Variants in DAB1 observed in about 807,000 individuals in gnomAD.
The protein encoded by DAB1 is disabled homolog 1.
Under a neutral mutation model 64.6 loss-of-function variants are expected in DAB1, and 15 were observed. The observed-to-expected ratio is 0.23, with a 90% confidence interval of 0.16 to 0.36. The LOEUF (loss-of-function observed/expected upper bound fraction) is 0.36. DAB1 is among the 10% of genes least tolerant of loss of function. The pLI is 1.00. For missense variants in DAB1, 596 were observed against 706.7 expected (o/e 0.84, Z 1.78); for synonymous variants, 235 against 251.9 (o/e 0.93, Z 0.64).
chr1:58,082,063 G>A (rs1650029303), intron 5 of DAB1, among the ~76,000 whole-genome samples: 1 of 152,186 alleles, frequency 6.6e-6, no homozygotes, highest in Non-Finnish European at 1.5e-5. Flanking sequence ...GAGAAAGTAA[G>A]AGAAGCCCAG....
intron 5 of DAB1, among the ~76,000 whole-genome samples, chr1:58,069,336 C>G (rs1264475242): frequency 6.6e-6 from 1 of 152,156 alleles, no homozygotes. Flanking sequence ...TCCAAGGCTT[C>G]CAACCGAGGC....
intron 3 of DAB1, among the ~76,000 whole-genome samples, chr1:58,455,169 G>C (rs1645181296): frequency 6.6e-6 from 1 of 152,244 alleles, no homozygotes; most frequent in African/African-American, 2.4e-5. Flanking sequence ...CAGGAGTGTG[G>C]GAGGGGGAAG....
intron 1 of DAB1, chr1:58,538,811 C>T: frequency 1.2e-6 from 1 of 813,446 alleles, no homozygotes; most frequent in African/African-American, 1.7e-5. Context: ...ACAATGATTG[C>T]AAATAACTTC....
intron 7 of DAB1, among the ~76,000 whole-genome samples, chr1:57,440,741 A>G (rs1413768852): frequency 6.6e-6 from 1 of 152,244 alleles, no homozygotes; most frequent in Admixed American, 6.5e-5. Context: ...CCACAGGGTA[A>G]TCAGAAGTCC....
At chr1:57,531,730 G>A (rs1180510872) in intron 7 of DAB1, among the ~76,000 whole-genome samples, 4 of 152,136 alleles carry the variant, frequency 2.6e-5, no homozygotes, top group Admixed American at 2.0e-4. Flanking sequence ...ATGGTGTGCT[G>A]GTAAAATTTA....
intron 4 of DAB1, among the ~76,000 whole-genome samples, chr1:58,317,978 T>TGCCTG (rs1379746205): frequency 2.6e-5 from 4 of 152,296 alleles, no homozygotes; most frequent in African/African-American, 9.6e-5. Context: ...AGCAGCACAA[T>TGCCTG]GCCTGGCAGA....
At chr1:57,048,571 C>A (rs113134957) in intron 9 of DAB1, among the ~76,000 whole-genome samples, 1 of 152,196 alleles carries the variant, frequency 6.6e-6, no homozygotes, top group African/African-American at 2.4e-5. Context: ...CTCCTACCCA[C>A]GTAATAACGA....
intron 1 of DAB1, among the ~76,000 whole-genome samples, chr1:57,829,080 AC>A (rs1157585802): frequency 1.3e-5 from 2 of 151,976 alleles, no homozygotes; most frequent in African/African-American, 2.4e-5. Flanking sequence ...ATTTTTCCCA[AC>A]CCCCACCCCT....
chr1:58,054,305 C>T (rs1647912165), intron 5 of DAB1, among the ~76,000 whole-genome samples: 1 of 152,196 alleles, frequency 6.6e-6, no homozygotes, highest in South Asian at 2.1e-4. Flanking sequence ...TAAAGACTAC[C>T]AGTGCAAAGA....
chr1:58,336,058 TG>T (rs1663110313), intron 4 of DAB1, among the ~76,000 whole-genome samples: 1 of 152,208 alleles, frequency 6.6e-6, no homozygotes. Flanking sequence ...CCAAGAGGAA[TG>T]TGGACCAAGA....
intron 5 of DAB1, among the ~76,000 whole-genome samples, chr1:58,137,357 G>T (rs2100707640): frequency 6.6e-6 from 1 of 152,246 alleles, no homozygotes; most frequent in South Asian, 2.1e-4. Context: ...TTAGTCTACT[G>T]CACATCCCAT....
At chr1:58,376,393 G>A (rs1238840487) in intron 3 of DAB1, among the ~76,000 whole-genome samples, 7 of 134,120 alleles carry the variant, frequency 5.2e-5, no homozygotes, top group Non-Finnish European at 9.8e-5. Flanking sequence ...TGTTCTCATT[G>A]GTTTCAAAGA....
At chr1:57,576,718 A>C (rs1036966299) in intron 7 of DAB1, among the ~76,000 whole-genome samples, 5 of 152,206 alleles carry the variant, frequency 3.3e-5, no homozygotes, top group Admixed American at 6.5e-5. Flanking sequence ...AAACTAATAC[A>C]GGTGGTGATA....
At chr1:57,756,540 G>T (rs756647237) in intron 6 of DAB1, among the ~76,000 whole-genome samples, 3 of 152,012 alleles carry the variant, frequency 2.0e-5, no homozygotes, top group African/African-American at 7.2e-5. Flanking sequence ...GTTATTGGGG[G>T]GTTTTAATCG....
At chr1:57,636,179 A>T (rs11207081) in intron 7 of DAB1, among the ~76,000 whole-genome samples, 9 of 150,588 alleles carry the variant, frequency 6.0e-5, no homozygotes, top group African/African-American at 2.0e-4. Flanking sequence ...CCCATTCTCT[A>T]CCCGAGTGTG....
chr1:58,202,559 C>A (rs1465844326), intron 4 of DAB1, among the ~76,000 whole-genome samples: 4 of 152,108 alleles, frequency 2.6e-5, no homozygotes, highest in East Asian at 1.9e-4. Context: ...GGCTTCCCCA[C>A]CTAAAAAATA....
chr1:57,278,311 T>A (rs1025196730), intron 2 of DAB1, among the ~76,000 whole-genome samples: 1 of 152,240 alleles, frequency 6.6e-6, no homozygotes, highest in Non-Finnish European at 1.5e-5. Flanking sequence ...AAAGTTATTG[T>A]ATTCCCTCCC....
intron 5 of DAB1, among the ~76,000 whole-genome samples, chr1:57,891,392 G>A (rs766698510): frequency 7.2e-5 from 11 of 152,160 alleles, no homozygotes; most frequent in East Asian, 1.9e-4. Context: ...AAATAGGAAC[G>A]CTTTCACACT....
intron 1 of DAB1, among the ~76,000 whole-genome samples, chr1:57,298,188 A>C (rs923943383): frequency 2.6e-5 from 4 of 152,150 alleles, no homozygotes; most frequent in African/African-American, 9.7e-5. Flanking sequence ...GAAAAGGCCT[A>C]AAATTCCCCC....
Sources: allele counts gnomAD v4.1 joint callset (sites outside exome capture counted in the v4.1 genomes callset), GRCh38; gene constraint gnomAD v4.1.1; transcripts MANE v1.5; gene names NCBI Gene and HGNC (gene_info 2026-07-23, HGNC 2026-07-21).